STRIP2: variants seen among roughly 807,000 people sequenced by gnomAD.
STRIP2 encodes striatin-interacting protein 2.
In STRIP2, 84 loss-of-function variants were observed where a neutral mutation model predicts 107.1. The ratio of observed to expected loss-of-function variants is 0.78; its 90% CI spans 0.66 to 0.94. The LOEUF is 0.94. Among genes scored for constraint, STRIP2 ranks in the 40% least tolerant of loss-of-function variants. STRIP2 has a pLI of 0.00. For missense variants in STRIP2, 888 were observed against 1,034.2 expected, an observed-to-expected ratio of 0.86 and a Z score of 1.94; for synonymous variants, 394 against 400.4, an observed-to-expected ratio of 0.98 and a Z score of 0.19.
intron 3 of STRIP2, among the ~76,000 whole-genome samples, chr7:129,449,369 TA>T (rs1798121592): frequency 6.6e-6 from 1 of 152,204 alleles, no homozygotes; most frequent in African/African-American, 2.4e-5. Context: ...TTCGTCTAGT[TA>T]TAGGTCTAGA....
At position 129,436,529 on chromosome 7, in the gene STRIP2, C is replaced by G. The variant is rs139892386; in HGVS notation, c.129+1928C>G. 5.8e-3 allele frequency among the ~76,000 whole-genome samples: 876 copies of G among 152,334 alleles called. 8 individuals are homozygous for G. Among genetic ancestry groups the G allele is most frequent in the African/African-American group, 0.02 (833 of 41,568 alleles). ...AAATGAACAACTGCTGCGATCATCTCTATCTGGGCTCATTGCCTGCCAAAA... is the reference window on the plus strand; with the variant it reads ...AAATGAACAACTGCTGCGATCATCTGTATCTGGGCTCATTGCCTGCCAAAA... On this transcript the variant is annotated intron_variant, in intron 1 of 20. Transcript: ENST00000249344.
At chr7:129,467,580 T>A in intron 17 of STRIP2, 130 bp downstream of exon 17, 1 of 566,036 alleles carries the variant, frequency 1.8e-6, no homozygotes, top group Non-Finnish European at 3.1e-6. Flanking sequence ...ACTGTTAAAT[T>A]TAATTTCCTT....
Position 129,458,392 on chromosome 7 carries a change from C to T in STRIP2, c.1216C>T (p.Pro406Ser). 6.2e-7 allele frequency: 1 copy of T among 1,613,214 alleles called. No homozygotes were observed. Among genetic ancestry groups the T allele is most frequent in the African/African-American group, 1.3e-5 (1 of 75,034 alleles). Residue 406 changes from proline to serine, a missense_variant, in exon 10 of 21, where the codon CCC becomes TCC. Physicochemically the swap from Pro to Ser is moderately conservative, Grantham distance 74 (BLOSUM62 -1). Coordinates refer to ENST00000249344, the MANE Select transcript of STRIP2 (RefSeq NM_020704.3). The surrounding 1 kb of genome is among the most constrained non-coding windows in gnomAD (Gnocchi z 4.6). ...PLVPPPPSQA[P>S]LSAERVAFPK... Reference sequence around the variant, plus strand: ...GGTGCCACCTCCACCCTCACAGGCACCCCTCTCTGCTGAGCGGGTGGCTTT... The same window carrying T: ...GGTGCCACCTCCACCCTCACAGGCATCCCTCTCTGCTGAGCGGGTGGCTTT...
intron 14 of STRIP2, among the ~76,000 whole-genome samples, chr7:129,463,380 A>G (rs1287427505): frequency 3.3e-5 from 5 of 152,106 alleles, no homozygotes; most frequent in South Asian, 4.1e-4. Flanking sequence ...GAAGATGCCA[A>G]TGGTTCAGGT....
At chr7:129,439,943 A>G in intron 1 of STRIP2, 79 bp from the exon 2 acceptor site, 1 of 1,137,084 alleles carries the variant, frequency 8.8e-7, no homozygotes, top group South Asian at 1.3e-5. Context: ...GGGGAAGAAG[A>G]TAAATAAGGG....
intron 2 of STRIP2, among the ~76,000 whole-genome samples, chr7:129,442,995 TAGAG>T (rs1208279774): frequency 1.3e-5 from 2 of 151,940 alleles, no homozygotes; most frequent in Non-Finnish European, 2.9e-5. Flanking sequence ...TGGAGAGAGA[TAGAG>T]AGAGTAGGAA....
chr7:129,455,387 C>T lies in STRIP2; in HGVS notation c.834+16C>T, dbSNP rs1376471293. 6.2e-7 allele frequency: 1 copy of T among 1,609,532 alleles called. No individual in the cohort carries two copies. Among genetic ancestry groups the T allele is most frequent in the African/African-American group, 1.3e-5 (1 of 74,790 alleles). ...GGTGGTCATGGTGAGTAATTCTCCC[C>T]ACTCCCACATTATCAGATCAGCAAT... On this transcript the variant is annotated intron_variant, in intron 8 of 20. Coordinates refer to ENST00000249344, the MANE Select transcript of STRIP2 (RefSeq NM_020704.3).
At chr7:129,469,819 T>A (rs1227151396) in intron 17 of STRIP2, among the ~76,000 whole-genome samples, 1 of 152,272 alleles carries the variant, frequency 6.6e-6, no homozygotes, top group Non-Finnish European at 1.5e-5. Context: ...TCAAAGCCAC[T>A]GCTTTGCCAA....
chr7:129,470,644 TAC>T lies in STRIP2; in HGVS notation c.1878-3_1878-2del, dbSNP rs1562912714. 2 of 1,613,422 alleles carry T rather than the reference TAC, an allele frequency of 1.2e-6. No homozygotes were observed. On this transcript the variant is annotated splice_region_variant and splice_polypyrimidine_tract_variant and intron_variant, in intron 17 of 20. Transcript: ENST00000249344. ...AAAGCCTGTCCTTATCTCTGCATCT[TAC>T]AGCATCTCAGTCCTGGATTATCCTT... is the stretch of plus-strand genomic sequence containing the variant.
chr7:129,487,332 T>A lies in STRIP2; in HGVS notation c.*1503T>A, dbSNP rs909680407. On this transcript the variant is annotated 3_prime_UTR_variant, in exon 21 of 21. Coordinates refer to ENST00000249344, the MANE Select transcript of STRIP2 (RefSeq NM_020704.3). ...GCCCAGCCTCTTCAAGCTTTTTTAC[T>A]ATACATGTTGCCCCTCTCCCCCAAC... The A allele has an allele frequency of 2.0e-5, 3 of 152,268 alleles. No individual in the cohort carries two copies. The highest frequency in any genetic ancestry group is 7.2e-5 in the African/African-American group (3 of 41,446). 9.4% of individuals were successfully genotyped at this position (152,268 alleles called of 1,614,324 possible).
chr7:129,472,788 T>C (rs1384802640), intron 18 of STRIP2, among the ~76,000 whole-genome samples: 2 of 130,324 alleles, frequency 1.5e-5, no homozygotes, highest in East Asian at 2.2e-4. Flanking sequence ...TTTTTTTTTT[T>C]TTTTTTTTTT....
chr7:129,471,731 G>A (rs931218747), intron 18 of STRIP2, among the ~76,000 whole-genome samples: 1 of 152,166 alleles, frequency 6.6e-6, no homozygotes, highest in Non-Finnish European at 1.5e-5. Flanking sequence ...CCCAGTGAAT[G>A]AAGTGACTTG....
At chr7:129,465,650 C>T (rs1409249863) in intron 16 of STRIP2, among the ~76,000 whole-genome samples, 1 of 152,190 alleles carries the variant, frequency 6.6e-6, no homozygotes, top group East Asian at 1.9e-4. Flanking sequence ...CTCTTTTATA[C>T]ATGATGAAAT....
chr7:129,485,660 A>C lies in STRIP2; in HGVS notation c.2336A>C (p.Tyr779Ser), dbSNP rs753946549. The change falls in exon 21 of 21, where the codon TAT becomes TCT. Residue 779 changes from tyrosine to serine, a missense_variant. Coordinates refer to ENST00000249344, the MANE Select transcript of STRIP2 (RefSeq NM_020704.3). ...ATTGAGGCTTTTAACAGCCGTCGCT[A>C]TGACAGACCCCAGGACTCTGAGTTT... ...ANIEAFNSRR[Y>S]DRPQDSEFSP... The C allele has an allele frequency of 6.2e-7, 1 of 1,613,958 alleles. No homozygotes were observed. Among genetic ancestry groups the C allele is most frequent in the African/African-American group, 1.3e-5 (1 of 74,904 alleles).
rs186302502 is a variant in STRIP2, at chr7:129,463,308, G to A, written c.1551+268G>A. Among the ~76,000 whole-genome samples, 65 of 152,286 alleles carry A rather than the reference G, an allele frequency of 4.3e-4. 2 individuals are homozygous for A. Among genetic ancestry groups the A allele is most frequent in the Admixed American group, 3.5e-3 (54 of 15,302 alleles). On this transcript the variant is annotated intron_variant, in intron 14 of 20. Transcript: ENST00000249344. ...GGGACCCTCCTCCGAGATAAGTACT[G>A]TAGTCCCTCTGAGATCTGCTGTGGT...
chr7:129,467,677 A>T (rs1443467742), intron 17 of STRIP2, among the ~76,000 whole-genome samples: 1 of 152,186 alleles, frequency 6.6e-6, no homozygotes, highest in African/African-American at 2.4e-5. Flanking sequence ...AAATGTCATG[A>T]CTTAAAGAAA....
rs572117563 is a variant in STRIP2, at chr7:129,483,400, A to C, written c.2254+354A>C. On this transcript the variant is annotated intron_variant, in intron 20 of 20. Transcript: ENST00000249344. The surrounding 1 kb of genome is among the most constrained non-coding windows in gnomAD (Gnocchi z 5.1). The stretch of plus-strand genomic sequence containing the variant: ...AGAAAAAAAGATAGAAAATACAAGT[A>C]AACAAACATTTTACTATATTATATT... 2.3e-6 allele frequency: 2 copies of C among 858,682 alleles called. No individual in the cohort carries two copies. Among genetic ancestry groups the C allele is most frequent in the South Asian group, 9.1e-5 (2 of 21,940 alleles). The allele number at this position is 858,682 out of a possible 1,614,324, so 53.2% of individuals were successfully genotyped here. A position where few individuals can be genotyped will look rare whatever the true frequency, so the allele number is the denominator to read the frequency against.
chr7:129,485,999 G>T lies in STRIP2; in HGVS notation c.*170G>T, dbSNP rs139082736. The T allele has an allele frequency of 6.5e-4, 461 of 708,044 alleles. 1 individual carries two copies. The highest frequency in any genetic ancestry group is 3.7e-3 in the Middle Eastern group (9 of 2,456). 43.9% of individuals were successfully genotyped at this position (708,044 alleles called of 1,614,324 possible). A position where few individuals can be genotyped will look rare whatever the true frequency, so the allele number is the denominator to read the frequency against. The stretch of plus-strand genomic sequence containing the variant: ...TGAATCACAATAAAATGATCAACTT[G>T]CCCTGGGGTCAGTTGGGTGCCCAGT... On this transcript the variant is annotated 3_prime_UTR_variant, in exon 21 of 21. Coordinates refer to ENST00000249344, the MANE Select transcript of STRIP2 (RefSeq NM_020704.3).
At chr7:129,465,571 G>A (rs1484272403) in intron 16 of STRIP2, among the ~76,000 whole-genome samples, 1 of 152,150 alleles carries the variant, frequency 6.6e-6, no homozygotes, top group East Asian at 1.9e-4. Flanking sequence ...CCTGTGCCCA[G>A]CACCCTGTTA....
Sources: gnomAD v4.1 joint callset for allele counts (sites outside exome capture counted in the v4.1 genomes callset) on GRCh38, gnomAD v4.1.1 for gene constraint, Gnocchi (gnomAD v3.1) non-coding constraint, MANE v1.5 for transcripts, NCBI Gene and HGNC (gene_info 2026-07-23, HGNC 2026-07-21) for gene names.